The following SYCP1 variants were observed in gnomAD, a reference collection of about 807,000 sequenced individuals.
SYCP1 encodes synaptonemal complex protein 1.
SYCP1 carries 64 observed loss-of-function variants against 153.1 expected under a neutral mutation model. That is an observed-to-expected ratio of 0.42 (90% CI 0.34 to 0.51). The LOEUF is 0.51. Among genes scored for constraint, SYCP1 ranks in the 20% least tolerant of loss-of-function variants. SYCP1 has a pLI of 0.06. For synonymous variants in SYCP1, 384 were observed against 341.8 expected (o/e 1.12, Z -1.36); for missense variants, 997 against 1,049.0 (o/e 0.95, Z 0.68).
intron 16 of SYCP1, among the ~76,000 whole-genome samples, chr1:114,904,438 T>TA (rs1570740203): frequency 6.6e-6 from 1 of 152,184 alleles, no homozygotes; most frequent in Non-Finnish European, 1.5e-5. Context: ...TTCTATACCT[T>TA]AAAAAACTCT....
chr1:114,909,720 T>G (rs1398920796), intron 16 of SYCP1, among the ~76,000 whole-genome samples: 2 of 152,146 alleles, frequency 1.3e-5, no homozygotes, highest in Admixed American at 1.3e-4. Context: ...AAATATATTT[T>G]AAGCATCTAG....
chr1:114,968,012 C>G (rs1339290164), intron 27 of SYCP1, among the ~76,000 whole-genome samples: 2 of 152,196 alleles, frequency 1.3e-5, no homozygotes, highest in East Asian at 1.9e-4. Flanking sequence ...GGCCCCTACT[C>G]TCTTCTGGCT....
At chr1:114,916,328 C>T (rs1054591653) in intron 20 of SYCP1, among the ~76,000 whole-genome samples, 1 of 151,968 alleles carries the variant, frequency 6.6e-6, no homozygotes, top group Admixed American at 6.6e-5. Flanking sequence ...AACATGTTGG[C>T]ACATAAATAC....
At chr1:114,881,501 A>ATCCATCCTTCCTTCCTTCCTTCCT (rs1665925914) in intron 12 of SYCP1, among the ~76,000 whole-genome samples, 2 of 102,624 alleles carry the variant, frequency 1.9e-5, no homozygotes, top group African/African-American at 6.1e-5. Flanking sequence ...GGAAGGTATT[A>ATCCATCCTTCCTTCCTTCCTTCCT]TCCTTCCTTC....
chr1:114,898,728 T>C (rs1310411750), intron 16 of SYCP1, among the ~76,000 whole-genome samples: 1 of 152,214 alleles, frequency 6.6e-6, no homozygotes, highest in East Asian at 1.9e-4. Context: ...GTCTTATACT[T>C]GGCCTGATTT....
At chr1:114,945,532 A>T (rs1007781525) in intron 25 of SYCP1, among the ~76,000 whole-genome samples, 4 of 151,830 alleles carry the variant, frequency 2.6e-5, no homozygotes, top group African/African-American at 9.7e-5. Flanking sequence ...GGAATACGAG[A>T]TTATTATGAG....
At chr1:114,863,483 G>A (rs757400217) in intron 8 of SYCP1, among the ~76,000 whole-genome samples, 1 of 152,142 alleles carries the variant, frequency 6.6e-6, no homozygotes, top group Non-Finnish European at 1.5e-5. Context: ...AACCCGGGAG[G>A]CGGAGGTTGC....
intron 27 of SYCP1, among the ~76,000 whole-genome samples, chr1:114,958,140 A>G (rs952378982): frequency 7.9e-5 from 12 of 152,252 alleles, no homozygotes; most frequent in South Asian, 2.1e-4. Context: ...ATTTGCAACT[A>G]CATGGATGGA....
intron 8 of SYCP1, among the ~76,000 whole-genome samples, chr1:114,864,229 A>G (rs1186072172): frequency 3.3e-5 from 5 of 152,012 alleles, no homozygotes; most frequent in African/African-American, 9.7e-5. Context: ...TAAGGAGAGA[A>G]TATTTTGGGA....
intron 12 of SYCP1, among the ~76,000 whole-genome samples, chr1:114,880,401 C>T (rs187346817): frequency 7.0e-4 from 106 of 151,768 alleles, no homozygotes; most frequent in Admixed American, 2.4e-3. Context: ...TTTGGTGTGC[C>T]CTGTAATTTT....
At chr1:114,920,953 T>A (rs147198650) in intron 20 of SYCP1, among the ~76,000 whole-genome samples, 1 of 152,126 alleles carries the variant, frequency 6.6e-6, no homozygotes, top group Non-Finnish European at 1.5e-5. Flanking sequence ...TGTCTTTTGA[T>A]TGAAGAGTTT....
intron 7 of SYCP1, 61 bp from the exon 8 acceptor site, chr1:114,860,675 T>A (rs1664307704): frequency 9.5e-7 from 1 of 1,056,158 alleles, no homozygotes; most frequent in East Asian, 2.5e-5. Context: ...TCATAACTTA[T>A]ATATTGTGAT....
intron 15 of SYCP1, 65 bp downstream of exon 15, chr1:114,887,758 G>C: frequency 9.9e-7 from 1 of 1,013,200 alleles, no homozygotes; most frequent in South Asian, 2.6e-5. Flanking sequence ...CATAAACACT[G>C]TTTTGAAATA....
chr1:114,881,739 C>T (rs538800316), intron 12 of SYCP1, among the ~76,000 whole-genome samples: 4 of 152,070 alleles, frequency 2.6e-5, no homozygotes, highest in African/African-American at 9.7e-5. Context: ...TGGGCTCTAG[C>T]GATCCTCCTG....
intron 23 of SYCP1, among the ~76,000 whole-genome samples, chr1:114,941,300 A>T (rs1326572784): frequency 6.6e-6 from 1 of 152,160 alleles, no homozygotes; most frequent in African/African-American, 2.4e-5. Context: ...TATATAATGG[A>T]AATTGTTGTT....
chr1:114,986,427 C>G (rs1673510215), intron 30 of SYCP1, among the ~76,000 whole-genome samples: 1 of 151,900 alleles, frequency 6.6e-6, no homozygotes, highest in Non-Finnish European at 1.5e-5. Context: ...TGAGTTTAGG[C>G]CAATTTCTTA....
intron 27 of SYCP1, among the ~76,000 whole-genome samples, chr1:114,976,215 C>T (rs1479081613): frequency 6.6e-6 from 1 of 151,696 alleles, no homozygotes; most frequent in Non-Finnish European, 1.5e-5. Flanking sequence ...ACCAGGCTTC[C>T]TTTTTATTCA....
chr1:114,929,236 T>C (rs72695813), intron 23 of SYCP1, among the ~76,000 whole-genome samples: 3,790 of 151,850 alleles, frequency 0.025, 58 homozygotes, highest in South Asian at 0.034. Flanking sequence ...AGTAGAGGAA[T>C]TGAAATGAAG....
At chr1:114,949,866 A>C (rs560737948) in intron 27 of SYCP1, among the ~76,000 whole-genome samples, 1 of 152,302 alleles carries the variant, frequency 6.6e-6, no homozygotes. Context: ...TTATTTGCAT[A>C]TCAAAAATAA....
Sources: allele counts gnomAD v4.1 joint callset (sites outside exome capture counted in the v4.1 genomes callset), GRCh38; gene constraint gnomAD v4.1.1; transcripts MANE v1.5; gene names NCBI Gene and HGNC (gene_info 2026-07-23, HGNC 2026-07-21).